The following ATF7 variants were observed in gnomAD, a reference collection of about 807,000 sequenced individuals.
ATF7 encodes cyclic AMP-dependent transcription factor ATF-7.
A neutral mutation model predicts 50.4 loss-of-function variants in ATF7; 10 were observed. That is an observed-to-expected ratio of 0.20 (90% CI 0.12 to 0.34). The LOEUF is 0.34. ATF7 is among the 10% of genes least tolerant of loss of function. ATF7 has a pLI of 1.00. For missense variants in ATF7, 465 were observed against 613.9 expected (o/e 0.76, Z 2.56); for synonymous variants, 201 against 226.4 (o/e 0.89, Z 1.01).
At chr12:53,550,343 T>TAA (rs1565944505) in intron 3 of ATF7, among the ~76,000 whole-genome samples, 5 of 136,854 alleles carry the variant, frequency 3.7e-5, no homozygotes, top group African/African-American at 8.3e-5. Flanking sequence ...AATAAATAAA[T>TAA]AAATAAATAA....
In ATF7 at chr12:53,524,867, G is replaced by T; in HGVS notation, c.928-106C>A. The T allele has an allele frequency of 2.8e-6, 3 of 1,083,992 alleles. No homozygotes were observed. Among genetic ancestry groups the T allele is most frequent in the Non-Finnish European group, 3.8e-6 (3 of 782,244 alleles). The allele number at this position is 1,083,992 out of a possible 1,614,324, so 67.1% of individuals were successfully genotyped here. On this transcript the variant is annotated intron_variant, in intron 9 of 11. Transcript: ENST00000420353. The surrounding 1 kb of genome is among the most constrained non-coding windows in gnomAD (Gnocchi z 4.6). The stretch of plus-strand genomic sequence containing the variant: ...TAAGATCTGGTAAAAGGATATACCA[G>T]CCTCTGGTAACCACAGCAAGTCTCA...
chr12:53,550,838 G>A (rs1367504515), intron 3 of ATF7, among the ~76,000 whole-genome samples: 5 of 152,182 alleles, frequency 3.3e-5, no homozygotes, highest in Non-Finnish European at 7.3e-5. Context: ...AGAACTGAAA[G>A]CAAATAGTAA....
At chr12:53,581,706 G>A (rs1942432930) in intron 2 of ATF7, among the ~76,000 whole-genome samples, 1 of 151,936 alleles carries the variant, frequency 6.6e-6, no homozygotes, top group Non-Finnish European at 1.5e-5. Context: ...GAAACTGATA[G>A]CAGTGAATAA....
At chr12:53,591,537 A>G (rs1942935929) in intron 2 of ATF7, among the ~76,000 whole-genome samples, 1 of 152,204 alleles carries the variant, frequency 6.6e-6, no homozygotes, top group Non-Finnish European at 1.5e-5. Flanking sequence ...CCTCTGGCAT[A>G]CTTACGAGTA....
At chr12:53,586,281 G>A (rs1415577486) in intron 2 of ATF7, among the ~76,000 whole-genome samples, 1 of 152,014 alleles carries the variant, frequency 6.6e-6, no homozygotes, top group Admixed American at 6.6e-5. Context: ...CTCACAATAC[G>A]TACAACCTAA....
intron 2 of ATF7, among the ~76,000 whole-genome samples, chr12:53,562,402 G>A (rs1410386372): frequency 2.0e-5 from 3 of 152,192 alleles, no homozygotes; most frequent in Non-Finnish European, 4.4e-5. Context: ...CACTTTGAGA[G>A]GCCGAGGCGG....
chr12:53,612,056 A>C (rs1943903278), intron 1 of ATF7, among the ~76,000 whole-genome samples: 1 of 151,502 alleles, frequency 6.6e-6, no homozygotes, highest in African/African-American at 2.4e-5. Context: ...GCTCATTGCC[A>C]CCTCCACCTC....
chr12:53,579,477 A>C (rs550817946), intron 2 of ATF7, among the ~76,000 whole-genome samples: 112 of 145,430 alleles, frequency 7.7e-4, no homozygotes, highest in African/African-American at 2.8e-3. Flanking sequence ...GCTTGAACCC[A>C]GGAGGCAGAG....
Position 53,573,889 on chromosome 12 carries a change from G to A in ATF7, c.49-21252C>T, listed in dbSNP as rs1941911573. Among the ~76,000 whole-genome samples, 3 of 152,124 alleles carry A rather than the reference G, an allele frequency of 2.0e-5. No individual in the cohort carries two copies. In the South Asian group the frequency reaches 6.2e-4, roughly 32 times the overall value. ...AAAGAAAACAAAACTGAGAAGCACT[G>A]GTGAAGTTTATAGTCCAGGGCATAG... On this transcript the variant is annotated intron_variant, in intron 2 of 11. Coordinates refer to ENST00000420353, the MANE Select transcript of ATF7 (RefSeq NM_006856.3).
chr12:53,557,553 C>T (rs1222517122), intron 2 of ATF7, among the ~76,000 whole-genome samples: 1 of 152,178 alleles, frequency 6.6e-6, no homozygotes, highest in East Asian at 1.9e-4. Flanking sequence ...TTGGCATTAC[C>T]TATGTCTAAG....
Position 53,517,085 on chromosome 12 carries a change from T to C in ATF7, c.*52A>G. The C allele has an allele frequency of 6.3e-7, 1 of 1,580,720 alleles. No individual in the cohort carries two copies. The highest frequency in any genetic ancestry group is 1.8e-4 in the Middle Eastern group (1 of 5,526). On this transcript the variant is annotated 3_prime_UTR_variant, in exon 12 of 12. Transcript: ENST00000420353. ...GGAGGGGATAAGATGACATCTCTCT[T>C]GGCTCTTGGGCGGGCGAGCTCTGGC...
intron 1 of ATF7, among the ~76,000 whole-genome samples, chr12:53,617,598 C>T (rs1393556133): frequency 6.6e-6 from 1 of 152,066 alleles, no homozygotes; most frequent in African/African-American, 2.4e-5. Context: ...CACTGCACTC[C>T]AGCCTGGGTG....
intron 5 of ATF7, among the ~76,000 whole-genome samples, chr12:53,535,697 A>C (rs1238390883): frequency 1.3e-5 from 2 of 152,208 alleles, no homozygotes; most frequent in Non-Finnish European, 2.9e-5. Context: ...TAAAAAGAAT[A>C]ATCATCAGAC....
chr12:53,575,087 C>T lies in ATF7; in HGVS notation c.49-22450G>A, dbSNP rs546106091. 8.6e-5 allele frequency among the ~76,000 whole-genome samples: 13 copies of T among 151,822 alleles called. No individual in the cohort carries two copies. The South Asian group carries it at 2.7e-3, about 32-fold the overall frequency. The stretch of plus-strand genomic sequence containing the variant: ...AGGAGTTCAACACCAGCCTGACCAA[C>T]ATGGTGAAACCCCATCTCTACTAAA... On this transcript the variant is annotated intron_variant, in intron 2 of 11. Transcript: ENST00000420353.
rs756522371 is a variant in ATF7 at position 53,582,689 on chromosome 12, C to G, written c.48+18264G>C. 5.3e-5 allele frequency among the ~76,000 whole-genome samples: 8 copies of G among 152,220 alleles called. 2 individuals carry two copies. Among genetic ancestry groups the G allele is most frequent in the African/African-American group, 9.6e-5 (4 of 41,454 alleles). On this transcript the variant is annotated intron_variant, in intron 2 of 11. Transcript: ENST00000420353. The stretch of plus-strand genomic sequence containing the variant: ...CGCCTCCTGGGTTGACGCCATTCTC[C>G]TGCCTCAGCCTCCGGAGTAGCTGGG...
At chr12:53,598,463 C>T (rs1423808938) in intron 2 of ATF7, among the ~76,000 whole-genome samples, 1 of 152,076 alleles carries the variant, frequency 6.6e-6, no homozygotes, top group African/African-American at 2.4e-5. Flanking sequence ...GAACCTAAGC[C>T]GGAGGTTATA....
intron 2 of ATF7, among the ~76,000 whole-genome samples, chr12:53,591,941 C>T: frequency 6.6e-6 from 1 of 152,148 alleles, no homozygotes; most frequent in East Asian, 1.9e-4. Flanking sequence ...CAAAAAGGAA[C>T]AACTCTTTCC....
intron 2 of ATF7, among the ~76,000 whole-genome samples, chr12:53,584,697 C>T (rs1356861502): frequency 6.6e-6 from 1 of 152,100 alleles, no homozygotes; most frequent in Non-Finnish European, 1.5e-5. Flanking sequence ...TGGAATATTA[C>T]TCAGCACTAA....
intron 1 of ATF7, among the ~76,000 whole-genome samples, chr12:53,625,754 AT>A (rs1944579816): frequency 6.6e-6 from 1 of 151,584 alleles, no homozygotes; most frequent in South Asian, 2.1e-4. Flanking sequence ...CCTCCTTCCT[AT>A]TACCCTTTTC....
Sources: gnomAD v4.1 joint callset for allele counts (sites outside exome capture counted in the v4.1 genomes callset) on GRCh38, gnomAD v4.1.1 for gene constraint, Gnocchi (gnomAD v3.1) non-coding constraint, MANE v1.5 for transcripts, NCBI Gene and HGNC (gene_info 2026-07-23, HGNC 2026-07-21) for gene names.